Variants in CYRIB observed in about 807,000 individuals in gnomAD.
CYRIB encodes the protein CYFIP related Rac1 interactor B.
CYRIB carries 8 observed loss-of-function variants against 44.2 expected under a neutral mutation model. That is an observed-to-expected ratio of 0.18 (90% CI 0.11 to 0.33). CYRIB has a LOEUF of 0.33. CYRIB is among the 10% of genes least tolerant of loss of function. CYRIB has a pLI of 1.00. For synonymous variants in CYRIB, 131 were observed against 127.2 expected, an observed-to-expected ratio of 1.03 and a Z score of -0.20; for missense variants, 185 against 382.8, an observed-to-expected ratio of 0.48 and a Z score of 4.31.
chr8:129,927,635 G>A (rs912927968), intron 1 of CYRIB, among the ~76,000 whole-genome samples: 1 of 152,150 alleles, frequency 6.6e-6, no homozygotes, highest in Non-Finnish European at 1.5e-5. Context: ...TGGAAAGATG[G>A]TCACCAAAAC....
intron 2 of CYRIB, among the ~76,000 whole-genome samples, chr8:129,969,465 A>C (rs1217670875): frequency 6.6e-6 from 1 of 152,214 alleles, no homozygotes; most frequent in African/African-American, 2.4e-5. Flanking sequence ...CAGGTCACTA[A>C]ATTTAATATA....
intron 2 of CYRIB, among the ~76,000 whole-genome samples, chr8:129,881,773 ATACTT>A (rs2060889779): frequency 6.6e-6 from 1 of 152,224 alleles, no homozygotes; most frequent in Admixed American, 6.5e-5. Context: ...ATTTTGTACA[ATACTT>A]TACACAAGTG....
At chr8:130,011,680 G>T (rs2097220084) in intron 1 of CYRIB, among the ~76,000 whole-genome samples, 1 of 148,780 alleles carries the variant, frequency 6.7e-6, no homozygotes, top group African/African-American at 2.5e-5. Flanking sequence ...AAGAAAGAAA[G>T]AAATTAGCCA....
At chr8:129,846,238 A>C (rs2039921432) in intron 11 of CYRIB, among the ~76,000 whole-genome samples, 1 of 152,252 alleles carries the variant, frequency 6.6e-6, no homozygotes. Flanking sequence ...TTTTTATTGT[A>C]GGAAATACAT....
chr8:129,863,989 C>T lies in CYRIB; in HGVS notation c.196-1655G>A, dbSNP rs146183868. Among the ~76,000 whole-genome samples, 278 of 152,300 alleles carry T rather than the reference C, an allele frequency of 1.8e-3. 1 individual carries two copies. Among genetic ancestry groups the T allele is most frequent in the African/African-American group, 6.5e-3 (271 of 41,560 alleles). ...TCAATACTCCCAAGGCACTAGTATTCTGACTCCATCCACACAAAAAACAAA... is the reference window on the plus strand; with the variant it reads ...TCAATACTCCCAAGGCACTAGTATTTTGACTCCATCCACACAAAAAACAAA... On this transcript the variant is annotated intron_variant, in intron 4 of 11. Coordinates refer to ENST00000519824, the Ensembl canonical transcript of CYRIB.
chr8:129,967,187 GAC>G (rs2095508249), intron 2 of CYRIB, among the ~76,000 whole-genome samples: 1 of 152,110 alleles, frequency 6.6e-6, no homozygotes, highest in Admixed American at 6.5e-5. Flanking sequence ...TGGCTATACT[GAC>G]TCAAGAGTCC....
intron 6 of CYRIB, among the ~76,000 whole-genome samples, chr8:129,854,928 T>G (rs2045377900): frequency 6.6e-6 from 1 of 152,118 alleles, no homozygotes; most frequent in Non-Finnish European, 1.5e-5. Context: ...ACAAGGTATT[T>G]ATAGTTCCAA....
intron 2 of CYRIB, among the ~76,000 whole-genome samples, chr8:129,955,564 C>T (rs1284902389): frequency 1.3e-5 from 2 of 152,200 alleles, no homozygotes; most frequent in African/African-American, 2.4e-5. Context: ...CTTATTTCCT[C>T]ATTTTACCTT....
At chr8:129,865,842 G>A (rs1233699733) in intron 4 of CYRIB, among the ~76,000 whole-genome samples, 82 of 152,172 alleles carry the variant, frequency 5.4e-4, no homozygotes, top group Non-Finnish European at 1.2e-4. Context: ...AAGCCAGTAA[G>A]CTTTAGATAA....
At chr8:129,868,752 A>G (rs2055257397) in intron 4 of CYRIB, 1 of 152,008 alleles carries the variant, frequency 6.6e-6, no homozygotes, top group Non-Finnish European at 1.5e-5. Flanking sequence ...CTCTATTCCA[A>G]AAGATTACAA....
Position 129,930,365 on chromosome 8 carries a change from T to TTATATATATATA in CYRIB, c.-50+9231_-50+9242dup, listed in dbSNP as rs1554659983. 6.7e-3 allele frequency among the ~76,000 whole-genome samples: 340 copies of TTATATATATATA among 50,414 alleles called. 53 individuals carry two copies. The highest frequency in any genetic ancestry group is 0.014 in the South Asian group (20 of 1,412). The allele number at this position is 50,414 out of a possible 152,430, so 33.1% of individuals were successfully genotyped here. On this transcript the variant is annotated intron_variant, in intron 1 of 11. Coordinates refer to ENST00000519824, the Ensembl canonical transcript of CYRIB. ...TCAACTAGGAAGAATTGTGAAGTGC[T>TTATATATATATA]TATATATATATATATTTTAATTATT...
At chr8:129,955,678 T>A (rs1272438008) in intron 2 of CYRIB, among the ~76,000 whole-genome samples, 2 of 152,222 alleles carry the variant, frequency 1.3e-5, no homozygotes, top group African/African-American at 4.8e-5. Flanking sequence ...TTGAGAAAAG[T>A]GCTACAAAAA....
At chr8:130,011,016 C>T (rs2097201262) in intron 1 of CYRIB, among the ~76,000 whole-genome samples, 5 of 152,196 alleles carry the variant, frequency 3.3e-5, no homozygotes, top group Admixed American at 3.3e-4. Context: ...CTTGCTTCTA[C>T]CACCTAGAAG....
intron 1 of CYRIB, among the ~76,000 whole-genome samples, chr8:129,939,214 G>T (rs371751863): frequency 2.6e-4 from 39 of 152,060 alleles, no homozygotes; most frequent in African/African-American, 8.9e-4. Context: ...CGGCCGCGAA[G>T]AGGAAGGAGT....
chr8:129,921,135 A>G (rs1457121333), intron 1 of CYRIB, among the ~76,000 whole-genome samples: 1 of 152,192 alleles, frequency 6.6e-6, no homozygotes, highest in Non-Finnish European at 1.5e-5. Context: ...TTTTACTCAG[A>G]CATAAGTCTT....
At chr8:129,921,712 T>C (rs188879933) in intron 1 of CYRIB, among the ~76,000 whole-genome samples, 67 of 152,340 alleles carry the variant, frequency 4.4e-4, no homozygotes, top group African/African-American at 1.5e-3. Context: ...TGCAATGGGA[T>C]GTATTCAACA....
At chr8:129,934,334 A>C (rs1006844782) in intron 1 of CYRIB, among the ~76,000 whole-genome samples, 1 of 152,168 alleles carries the variant, frequency 6.6e-6, no homozygotes, top group African/African-American at 2.4e-5. Context: ...GAAAATGCTT[A>C]TGTGAAACAC....
chr8:130,015,533 C>A (rs1169767474), intron 1 of CYRIB, among the ~76,000 whole-genome samples: 1 of 152,176 alleles, frequency 6.6e-6, no homozygotes, highest in Non-Finnish European at 1.5e-5. Flanking sequence ...TCCCCCGCAG[C>A]CCCAGCTCTA....
At chr8:129,991,927 G>A (rs899123430) in intron 1 of CYRIB, among the ~76,000 whole-genome samples, 3 of 118,270 alleles carry the variant, frequency 2.5e-5, no homozygotes, top group Non-Finnish European at 4.9e-5. Flanking sequence ...CTCCAGCCTG[G>A]GCAACAGCAG....
Sources: gnomAD v4.1 joint callset for allele counts (sites outside exome capture counted in the v4.1 genomes callset) on GRCh38, gnomAD v4.1.1 for gene constraint, MANE v1.5 for transcripts, NCBI Gene and HGNC (gene_info 2026-07-23, HGNC 2026-07-21) for gene names.